Variants in MAGI2 observed in about 807,000 individuals in gnomAD.
The protein encoded by MAGI2 is membrane associated guanylate kinase, WW and PDZ domain containing 2.
In MAGI2, 35 loss-of-function variants were observed where a neutral mutation model predicts 133.3. The observed-to-expected ratio is 0.26, with a 90% CI of 0.20 to 0.35. The LOEUF (loss-of-function observed/expected upper bound fraction) is 0.35. Ranked by LOEUF, MAGI2 falls within the 10% of genes least tolerant of loss-of-function variation. The probability of loss-of-function intolerance (pLI) is 1.00; values close to 1 mark genes in which losing one functional copy is unlikely to be tolerated. For synonymous variants in MAGI2, 729 were observed against 710.6 expected (o/e 1.03, Z -0.41); for missense variants, 1,636 against 1,863.4 (o/e 0.88, Z 2.25).
intron 6 of MAGI2, among the ~76,000 whole-genome samples, chr7:78,429,813 T>C (rs1189927998): frequency 6.6e-6 from 1 of 152,166 alleles, no homozygotes; most frequent in Admixed American, 6.6e-5. Flanking sequence ...GTTTTACTCA[T>C]ATTTATTTTG....
At chr7:79,449,228 G>A (rs1235652041) in intron 1 of MAGI2, among the ~76,000 whole-genome samples, 2 of 152,066 alleles carry the variant, frequency 1.3e-5, no homozygotes, top group African/African-American at 4.8e-5. Flanking sequence ...CTTAATAAAT[G>A]TGGATCTACT....
chr7:78,553,320 C>A (rs562087430), intron 3 of MAGI2, among the ~76,000 whole-genome samples: 5 of 152,256 alleles, frequency 3.3e-5, no homozygotes, highest in African/African-American at 1.2e-4. Context: ...ACTCTCCACG[C>A]TGCCCAAATT....
At chr7:78,272,618 G>T (rs568693792) in intron 9 of MAGI2, among the ~76,000 whole-genome samples, 10 of 152,234 alleles carry the variant, frequency 6.6e-5, no homozygotes, top group Admixed American at 3.3e-4. Flanking sequence ...ATGAATCTGG[G>T]TGCTCCTGTA....
chr7:79,254,905 A>T (rs768649826), intron 1 of MAGI2, among the ~76,000 whole-genome samples: 2 of 152,172 alleles, frequency 1.3e-5, no homozygotes, highest in Non-Finnish European at 2.9e-5. Context: ...TCCAAGACTC[A>T]TTTGAAATTC....
In MAGI2 at chr7:78,909,444, AC is replaced by A. The variant is rs1221426780; in HGVS notation, c.418+97645del. 4.9e-3 allele frequency among the ~76,000 whole-genome samples: 696 copies of A among 142,182 alleles called. 6 individuals carry two copies. The highest frequency in any genetic ancestry group is 7.5e-3 in the Non-Finnish European group (486 of 64,730). 93.3% of individuals were successfully genotyped at this position (142,182 alleles called of 152,430 possible). A position where few individuals can be genotyped will look rare whatever the true frequency, so the allele number is the denominator to read the frequency against. ...CCGTCTCTACTAAAAAAAAAAAAAA[AC>A]AAAAAAAATTAGCCAGGCGTGGTGG... On this transcript the variant is annotated intron_variant, in intron 2 of 21. Coordinates refer to ENST00000354212, the MANE Select transcript of MAGI2 (RefSeq NM_012301.4).
chr7:78,937,538 G>T (rs898122056), intron 2 of MAGI2, among the ~76,000 whole-genome samples: 4 of 152,064 alleles, frequency 2.6e-5, no homozygotes, highest in Non-Finnish European at 5.9e-5. Flanking sequence ...GAGGAAAATG[G>T]AATCTTTTCT....
chr7:78,746,638 T>C lies in MAGI2; in HGVS notation c.419-119399A>G, dbSNP rs1007697366. Among the ~76,000 whole-genome samples, 7 of 152,214 alleles carry C rather than the reference T, an allele frequency of 4.6e-5. 1 individual carries two copies. The highest frequency in any genetic ancestry group is 5.9e-5 in the Non-Finnish European group (4 of 68,046). On this transcript the variant is annotated intron_variant, in intron 2 of 21. Coordinates refer to ENST00000354212, the MANE Select transcript of MAGI2 (RefSeq NM_012301.4). Reference sequence around the variant, plus strand: ...CTGCAGCCAACCAACCTACATTTCATAGCTGTCTCCTCATCATTTGCATTT... The same window carrying C: ...CTGCAGCCAACCAACCTACATTTCACAGCTGTCTCCTCATCATTTGCATTT...
intron 10 of MAGI2, among the ~76,000 whole-genome samples, chr7:78,218,599 TAACA>T (rs1371036925): frequency 2.0e-5 from 3 of 152,170 alleles, no homozygotes; most frequent in Admixed American, 6.5e-5. Flanking sequence ...TCAAGTCACT[TAACA>T]AAGAAGCCTG....
intron 3 of MAGI2, among the ~76,000 whole-genome samples, chr7:78,531,245 C>T (rs1797446307): frequency 7.0e-6 from 1 of 142,380 alleles, no homozygotes; most frequent in African/African-American, 2.6e-5. Flanking sequence ...GACAGAGTCT[C>T]ACTCTGTCAC....
chr7:79,008,984 CA>C (rs1807763308), intron 1 of MAGI2: 1 of 152,122 alleles, frequency 6.6e-6, no homozygotes, highest in Non-Finnish European at 1.5e-5. Flanking sequence ...TCTAAGGCTA[CA>C]GGTCCTTTGG....
chr7:78,815,690 T>G (rs1789508863), intron 2 of MAGI2, among the ~76,000 whole-genome samples: 1 of 152,210 alleles, frequency 6.6e-6, no homozygotes, highest in South Asian at 2.1e-4. Flanking sequence ...CAGTGAGTTT[T>G]GATGTTACTA....
At chr7:78,966,896 T>A (rs1415896286) in intron 2 of MAGI2, among the ~76,000 whole-genome samples, 3 of 150,936 alleles carry the variant, frequency 2.0e-5, no homozygotes, top group Non-Finnish European at 4.4e-5. Context: ...ATGTTGAACA[T>A]CTTTTCAGAT....
intron 9 of MAGI2, among the ~76,000 whole-genome samples, chr7:78,281,755 T>A (rs4730178): frequency 3.3e-5 from 5 of 151,502 alleles, no homozygotes; most frequent in African/African-American, 1.2e-4. Flanking sequence ...ATTTTCCAGG[T>A]GATATTTAAC....
At chr7:78,209,143 A>C (rs1787457715) in intron 10 of MAGI2, among the ~76,000 whole-genome samples, 1 of 76,350 alleles carries the variant, frequency 1.3e-5, no homozygotes, top group Non-Finnish European at 2.7e-5. Flanking sequence ...AATGGCGTGA[A>C]CCCGGGAGGC....
intron 1 of MAGI2, among the ~76,000 whole-genome samples, chr7:79,210,651 A>G (rs766620284): frequency 6.6e-6 from 1 of 152,058 alleles, no homozygotes; most frequent in South Asian, 2.1e-4. Context: ...CACATGCAAC[A>G]TAACTCATGT....
intron 2 of MAGI2, among the ~76,000 whole-genome samples, chr7:78,698,208 GT>G (rs1247332066): frequency 2.6e-5 from 4 of 152,164 alleles, no homozygotes; most frequent in African/African-American, 9.7e-5. Flanking sequence ...TGTCAAAACT[GT>G]GCTGATCAAA....
intron 2 of MAGI2, among the ~76,000 whole-genome samples, chr7:78,934,542 C>T (rs1800375524): frequency 6.6e-6 from 1 of 152,120 alleles, no homozygotes. Context: ...ACCAAACAAC[C>T]ACAGACTGTC....
chr7:78,644,398 C>T (rs1252788012), intron 2 of MAGI2, among the ~76,000 whole-genome samples: 2 of 151,878 alleles, frequency 1.3e-5, no homozygotes, highest in African/African-American at 2.4e-5. Flanking sequence ...AAAGATAGAC[C>T]ATATTCTTGG....
chr7:78,878,416 A>G (rs1281537894), intron 2 of MAGI2, among the ~76,000 whole-genome samples: 1 of 152,226 alleles, frequency 6.6e-6, no homozygotes, highest in African/African-American at 2.4e-5. Context: ...GCTATAGATG[A>G]CATTATATCC....
Sources: allele counts gnomAD v4.1 joint callset (sites outside exome capture counted in the v4.1 genomes callset), GRCh38; gene constraint gnomAD v4.1.1; transcripts MANE v1.5; gene names NCBI Gene and HGNC (gene_info 2026-07-23, HGNC 2026-07-21).